Variants in P3H2 observed in about 807,000 individuals in gnomAD.
P3H2 encodes prolyl 3-hydroxylase 2.
P3H2 carries 80 observed loss-of-function variants against 87.0 expected under a neutral mutation model. The ratio of observed to expected loss-of-function variants is 0.92; its 90% CI spans 0.77 to 1.11. P3H2 has a LOEUF of 1.11. P3H2 is among the 50% of genes least tolerant of loss of function. The pLI is 0.00. For synonymous variants in P3H2, 367 were observed against 359.3 expected (o/e 1.02, Z -0.24); for missense variants, 1,001 against 923.9 (o/e 1.08, Z -1.08).
chr3:189,995,431 G>A lies in P3H2; in HGVS notation c.492C>T (p.Leu164=), dbSNP rs778714232. 81 of 1,613,330 alleles carry A rather than the reference G, an allele frequency of 5.0e-5. No homozygotes were observed. The highest frequency in any genetic ancestry group is 6.4e-5 in the Non-Finnish European group (76 of 1,179,952). The part of the protein sequence containing the change: ...LQRAYIKLNQ[L]EKAVEAAHTF... The stretch of plus-strand genomic sequence containing the variant: ...TGTGAGCTGCTTCCACTGCTTTTTC[G>A]AGCTGGTTAAGCTAAAGAGAAAAAA... The change falls in exon 2 of 15, where the codon CTC becomes CTT. Residue 164 remains leucine, a synonymous_variant. Transcript: ENST00000319332.
At chr3:190,029,528 C>G (rs1171920977) in intron 1 of P3H2, among the ~76,000 whole-genome samples, 1 of 151,564 alleles carries the variant, frequency 6.6e-6, no homozygotes, top group Non-Finnish European at 1.5e-5. Flanking sequence ...ATTAAAGTAT[C>G]TGACCAATGC....
At chr3:189,995,547 G>A in intron 1 of P3H2, 105 bp from the exon 2 acceptor site, 1 of 1,086,790 alleles carries the variant, frequency 9.2e-7, no homozygotes, top group Non-Finnish European at 1.3e-6. Context: ...AATGAAACTA[G>A]GAGCCTTGGT....
chr3:190,092,508 T>C (rs143480322), intron 1 of P3H2, among the ~76,000 whole-genome samples: 1 of 152,180 alleles, frequency 6.6e-6, no homozygotes, highest in African/African-American at 2.4e-5. Context: ...ACATCTTGCT[T>C]ACATGGCTAT....
chr3:190,041,569 A>G (rs1415860337), intron 1 of P3H2, among the ~76,000 whole-genome samples: 1 of 152,272 alleles, frequency 6.6e-6, no homozygotes, highest in East Asian at 1.9e-4. Context: ...GCAAATGCTT[A>G]AGGAGAATAA....
chr3:190,045,880 A>G lies in P3H2; in HGVS notation c.481-50438T>C, dbSNP rs564040905. 5.5e-4 allele frequency among the ~76,000 whole-genome samples: 83 copies of G among 152,070 alleles called. 1 individual carries two copies. Among genetic ancestry groups the G allele is most frequent in the African/African-American group, 1.5e-3 (63 of 41,508 alleles). On this transcript the variant is annotated intron_variant, in intron 1 of 14. Coordinates refer to ENST00000319332, the MANE Select transcript of P3H2 (RefSeq NM_018192.4). ...CTCACACCTGTAATCCCAGCACTTTAGGAGGCCAAGGTGGGCAGATCACGA... is the reference window on the plus strand; with the variant it reads ...CTCACACCTGTAATCCCAGCACTTTGGGAGGCCAAGGTGGGCAGATCACGA...
chr3:189,986,444 C>G (rs1723700643), intron 6 of P3H2, among the ~76,000 whole-genome samples: 1 of 152,118 alleles, frequency 6.6e-6, no homozygotes, highest in Non-Finnish European at 1.5e-5. Context: ...AAAAAATTAG[C>G]TGGGCATTGT....
Position 189,973,507 on chromosome 3 carries a change from C to CTTTTTTTTTTTTTTT in P3H2, c.1548+401_1548+402insAAAAAAAAAAAAAAA, listed in dbSNP as rs879286759. On this transcript the variant is annotated intron_variant, in intron 10 of 14. Transcript: ENST00000319332. ...TCAAAACTTTTTTCTTTCTTTCTTT[C>CTTTTTTTTTTTTTTT]TTTCTTTTTTTTTTTTTTTTTTTTT... is the stretch of plus-strand genomic sequence containing the variant. Among the ~76,000 whole-genome samples, 129 of 78,962 alleles carry CTTTTTTTTTTTTTTT rather than the reference C, an allele frequency of 1.6e-3. 4 individuals are homozygous for CTTTTTTTTTTTTTTT. Among genetic ancestry groups the CTTTTTTTTTTTTTTT allele is most frequent in the Non-Finnish European group, 2.4e-3 (100 of 41,498 alleles). The allele number at this position is 78,962 out of a possible 152,430, so 51.8% of individuals were successfully genotyped here. A position where few individuals can be genotyped will look rare whatever the true frequency, so the allele number is the denominator to read the frequency against.
chr3:190,080,557 C>T (rs760703137), intron 1 of P3H2, among the ~76,000 whole-genome samples: 6 of 152,018 alleles, frequency 3.9e-5, no homozygotes, highest in South Asian at 2.1e-4. Context: ...TGCAACACCA[C>T]GCCCAGTTAA....
At chr3:190,041,466 C>A (rs564637839) in intron 1 of P3H2, among the ~76,000 whole-genome samples, 1 of 151,916 alleles carries the variant, frequency 6.6e-6, no homozygotes, top group Non-Finnish European at 1.5e-5. Flanking sequence ...GGGGAAATCC[C>A]GAGAGGTTCA....
intron 8 of P3H2, among the ~76,000 whole-genome samples, chr3:189,978,140 A>G (rs1723409621): frequency 6.6e-6 from 1 of 152,222 alleles, no homozygotes; most frequent in Non-Finnish European, 1.5e-5. Flanking sequence ...AGCATCTGCT[A>G]ATAAAAACTC....
chr3:190,018,898 C>T (rs1219538134), intron 1 of P3H2, among the ~76,000 whole-genome samples: 2 of 152,142 alleles, frequency 1.3e-5, no homozygotes, highest in African/African-American at 4.8e-5. Context: ...TTCTATCTTT[C>T]CTTATAATAC....
At chr3:190,120,917 C>A (rs1281236022), upstream of P3H2, 7 of 942,848 alleles carry the variant, frequency 7.4e-6, no homozygotes, top group Admixed American at 2.1e-4. Context: ...GCCTGGCCAG[C>A]CGCTCTTAAA....
intron 1 of P3H2, 110 bp from the exon 2 acceptor site, chr3:189,995,552 C>A: frequency 3.6e-6 from 3 of 831,580 alleles, no homozygotes; most frequent in Non-Finnish European, 5.0e-6. Flanking sequence ...AACTAGGAGC[C>A]TTGGTTTTTT....
At position 190,021,504 on chromosome 3, in the gene P3H2, T is replaced by C. The variant is rs113293930; in HGVS notation, c.481-26062A>G. Among the ~76,000 whole-genome samples the C allele has an allele frequency of 6.1e-3, 831 of 135,570 alleles. 111 individuals carry two copies. Among genetic ancestry groups the C allele is most frequent in the African/African-American group, 0.02 (795 of 39,358 alleles). 88.9% of individuals were successfully genotyped at this position (135,570 alleles called of 152,430 possible). On this transcript the variant is annotated intron_variant, in intron 1 of 14. Transcript: ENST00000319332. ...GCCAAATATATTTTTTCTTTTATAATTTCCTTTTTTAAAAAAGTAACTTTC... is the reference window on the plus strand; with the variant it reads ...GCCAAATATATTTTTTCTTTTATAACTTCCTTTTTTAAAAAAGTAACTTTC...
rs188182066 is a variant in P3H2, at chr3:190,045,796, C to A, written c.481-50354G>T. ...TTCCTGAAAAAAAAAAGAAATTCCT[C>A]CTGTAGACAGAAGCCTCAGCTCATG... On this transcript the variant is annotated intron_variant, in intron 1 of 14. Coordinates refer to ENST00000319332, the MANE Select transcript of P3H2 (RefSeq NM_018192.4). Among the ~76,000 whole-genome samples, 3 of 151,782 alleles carry A rather than the reference C, an allele frequency of 2.0e-5. No individual in the cohort carries two copies. In the East Asian group the frequency reaches 5.8e-4, roughly 29 times the overall value.
At chr3:190,025,643 ATCT>A (rs1174280436) in intron 1 of P3H2, among the ~76,000 whole-genome samples, 2 of 152,262 alleles carry the variant, frequency 1.3e-5, no homozygotes, top group African/African-American at 4.8e-5. Context: ...TCTCACTTAC[ATCT>A]TCTTCTCTTT....
intron 1 of P3H2, among the ~76,000 whole-genome samples, chr3:190,000,834 A>G (rs1343966146): frequency 1.3e-5 from 2 of 152,212 alleles, no homozygotes; most frequent in African/African-American, 4.8e-5. Flanking sequence ...TGCACAAGGA[A>G]ACAGTAAAAA....
intron 1 of P3H2, among the ~76,000 whole-genome samples, chr3:190,067,357 T>G (rs920699317): frequency 1.4e-4 from 21 of 152,122 alleles, no homozygotes; most frequent in African/African-American, 5.1e-4. Context: ...CCCAGGAACT[T>G]GAGCTCCATG....
In P3H2 at chr3:189,984,546, T is replaced by G; in HGVS notation, c.1229+4A>C. 1 of 1,610,704 alleles carries G rather than the reference T, an allele frequency of 6.2e-7. No homozygotes were observed. The highest frequency in any genetic ancestry group is 8.5e-7 in the Non-Finnish European group (1 of 1,177,152). The stretch of plus-strand genomic sequence containing the variant: ...AAACCAGTTTGCATTCTGAATGGAC[T>G]TACCGATTCTCATCCTGTCGTCCTC... On this transcript the variant is annotated splice_donor_region_variant and intron_variant, in intron 7 of 14. Coordinates refer to ENST00000319332, the MANE Select transcript of P3H2 (RefSeq NM_018192.4).
Sources: allele counts gnomAD v4.1 joint callset (sites outside exome capture counted in the v4.1 genomes callset), GRCh38; gene constraint gnomAD v4.1.1; transcripts MANE v1.5; gene names NCBI Gene and HGNC (gene_info 2026-07-23, HGNC 2026-07-21).